IFT56: variants seen among roughly 807,000 people sequenced by gnomAD.
The protein encoded by IFT56 is intraflagellar transport 56.
chr7:139,184,871 A>G, the IFT56 span, among the ~76,000 whole-genome samples: 1,864 of 150,768 alleles, frequency 0.012, 23 homozygotes, highest in Middle Eastern at 0.027. Flanking sequence ...TGGTTAACAC[A>G]GTGAAACCCC....
the IFT56 span, among the ~76,000 whole-genome samples, chr7:139,149,177 C>T: frequency 2.0e-5 from 3 of 151,510 alleles, no homozygotes; most frequent in Non-Finnish European, 2.9e-5. Flanking sequence ...TGGTGGCGGG[C>T]GCCTGTAGTC....
the IFT56 span, chr7:139,168,503 C>T: frequency 3.9e-6 from 3 of 768,264 alleles, no homozygotes; most frequent in Non-Finnish European, 6.9e-6. Flanking sequence ...TCCTGTAGCT[C>T]CTTTTATTTC....
At chr7:139,142,187 C>T in the IFT56 span, 1 of 1,499,856 alleles carries the variant, frequency 6.7e-7, no homozygotes, top group Admixed American at 1.7e-5. Flanking sequence ...ATCCGAGTCT[C>T]ATTTCATTCC....
At chr7:139,148,000 C>T in the IFT56 span, among the ~76,000 whole-genome samples, 41 of 152,246 alleles carry the variant, frequency 2.7e-4, no homozygotes, top group African/African-American at 8.4e-4. Flanking sequence ...TCCCTTTCTT[C>T]TCTAGTCATC....
At chr7:139,160,283 C>T in the IFT56 span, among the ~76,000 whole-genome samples, 1 of 152,138 alleles carries the variant, frequency 6.6e-6, no homozygotes, top group Non-Finnish European at 1.5e-5. Context: ...TTAACATCTC[C>T]TTTCAGATTA....
chr7:139,168,499 A>T, the IFT56 span: 1 of 796,306 alleles, frequency 1.3e-6, no homozygotes, highest in Non-Finnish European at 2.2e-6. Flanking sequence ...GCTCTCCTGT[A>T]GCTCCTTTTA....
chr7:139,169,467 T>C, the IFT56 span: 6 of 898,292 alleles, frequency 6.7e-6, no homozygotes, highest in Admixed American at 1.3e-4. Flanking sequence ...CATTATAAAG[T>C]GGGAGGTCAG....
the IFT56 span, chr7:139,187,592 G>T: frequency 6.3e-7 from 1 of 1,589,804 alleles, no homozygotes; most frequent in Non-Finnish European, 8.6e-7. Flanking sequence ...GTTTGTGAGG[G>T]AAAATACTTG....
the IFT56 span, among the ~76,000 whole-genome samples, chr7:139,142,568 G>A: frequency 4.6e-5 from 7 of 152,126 alleles, no homozygotes; most frequent in African/African-American, 1.7e-4. Flanking sequence ...GATAGCTCAC[G>A]CCTGTAATCC....
chr7:139,172,603 T>C, the IFT56 span: 15 of 587,360 alleles, frequency 2.6e-5, no homozygotes, highest in Non-Finnish European at 5.1e-5. Context: ...CACGGTATTC[T>C]GCTAAAAACC....
At chr7:139,167,018 A>C in the IFT56 span, 1 of 570,398 alleles carries the variant, frequency 1.8e-6, no homozygotes, top group African/African-American at 1.8e-5. Context: ...TCCCAGGAAA[A>C]GACCATATGT....
chr7:139,148,118 C>T, the IFT56 span: 1 of 1,228,844 alleles, frequency 8.1e-7, no homozygotes, highest in Non-Finnish European at 1.2e-6. Flanking sequence ...CATGAACTGT[C>T]CTCTTTGCCT....
the IFT56 span, chr7:139,148,311 T>C: frequency 3.7e-6 from 6 of 1,614,022 alleles, no homozygotes; most frequent in Non-Finnish European, 5.1e-6. Context: ...AAATTCCTGA[T>C]AGTACCATCG....
chr7:139,178,045 C>A, the IFT56 span, among the ~76,000 whole-genome samples: 1 of 152,072 alleles, frequency 6.6e-6, no homozygotes, highest in Non-Finnish European at 1.5e-5. Flanking sequence ...AGAACTATGA[C>A]CTCCATTATA....
At chr7:139,154,334 T>A in the IFT56 span, among the ~76,000 whole-genome samples, 7 of 151,714 alleles carry the variant, frequency 4.6e-5, no homozygotes, top group Non-Finnish European at 7.4e-5. Context: ...TTTTTAATTT[T>A]GATGAAGTCA....
At chr7:139,140,775 C>CAAAAAAAAA in the IFT56 span, among the ~76,000 whole-genome samples, 2 of 74,896 alleles carry the variant, frequency 2.7e-5, no homozygotes, top group Non-Finnish European at 2.7e-5. Context: ...AACTCCACCT[C>CAAAAAAAAA]AAAAAAAAAA....
the IFT56 span, chr7:139,139,856 C>A: frequency 6.8e-7 from 1 of 1,470,160 alleles, no homozygotes; most frequent in Non-Finnish European, 9.4e-7. Context: ...TGCTTTGCTG[C>A]CAAAATGAGA....
At chr7:139,146,492 G>A in the IFT56 span, among the ~76,000 whole-genome samples, 1 of 152,198 alleles carries the variant, frequency 6.6e-6, no homozygotes, top group Non-Finnish European at 1.5e-5. Flanking sequence ...GATTGGCTGG[G>A]CACAGTGGTT....
chr7:139,139,825 G>A, the IFT56 span: 1 of 1,019,440 alleles, frequency 9.8e-7, no homozygotes, highest in Non-Finnish European at 1.5e-6. Flanking sequence ...CTATTCCATT[G>A]TGGAAGAATG....
Sources: gnomAD v4.1 joint callset for allele counts (sites outside exome capture counted in the v4.1 genomes callset) on GRCh38, gnomAD v4.1.1 for gene constraint, MANE v1.5 for transcripts, NCBI Gene and HGNC (gene_info 2026-07-23, HGNC 2026-07-21) for gene names.